Variants in PHYHIPL observed in about 807,000 individuals in gnomAD.
PHYHIPL encodes phytanoyl-CoA hydroxylase-interacting protein-like.
A neutral mutation model predicts 33.4 loss-of-function variants in PHYHIPL; 9 were observed. The observed-to-expected ratio is 0.27, with a 90% CI of 0.16 to 0.47. The LOEUF (loss-of-function observed/expected upper bound fraction) is 0.47. Ranked by LOEUF, PHYHIPL falls within the 20% of genes least tolerant of loss-of-function variation. PHYHIPL has a pLI of 0.99. For missense variants in PHYHIPL, 365 were observed against 460.7 expected (o/e 0.79, Z 1.90); for synonymous variants, 153 against 154.1 (o/e 0.99, Z 0.05).
chr10:59,216,875 G>A (rs948597727), intron 1 of PHYHIPL, among the ~76,000 whole-genome samples: 1 of 152,238 alleles, frequency 6.6e-6, no homozygotes, highest in Admixed American at 6.5e-5. Flanking sequence ...TAAATTGTAA[G>A]CTTGAAAGCG....
chr10:59,226,007 G>A (rs1268139385), intron 1 of PHYHIPL, among the ~76,000 whole-genome samples: 10 of 152,054 alleles, frequency 6.6e-5, no homozygotes, highest in Admixed American at 6.5e-4. Context: ...TGACAATTCT[G>A]TGTTTTTTTA....
At chr10:59,220,853 C>T (rs1026950318) in intron 1 of PHYHIPL, among the ~76,000 whole-genome samples, 74 of 152,046 alleles carry the variant, frequency 4.9e-4, no homozygotes, top group African/African-American at 1.7e-3. Flanking sequence ...ATTTTCTTAT[C>T]TGTTAAAATG....
chr10:59,236,775 C>A, intron 3 of PHYHIPL, 118 bp downstream of exon 3: 1 of 826,466 alleles, frequency 1.2e-6, no homozygotes, highest in Non-Finnish European at 1.7e-6. Context: ...TCATTTTTTG[C>A]GTTGTCAGTA....
At chr10:59,207,030 C>T (rs988515170) in intron 1 of PHYHIPL, among the ~76,000 whole-genome samples, 1 of 152,132 alleles carries the variant, frequency 6.6e-6, no homozygotes, top group Non-Finnish European at 1.5e-5. Context: ...AGAGATCTTT[C>T]AGTTAAAGCA....
At position 59,245,221 on chromosome 10, in the gene PHYHIPL, T is replaced by C. The variant is rs867074822; in HGVS notation, c.761T>C (p.Ile254Thr). 3 of 1,614,168 alleles carry C rather than the reference T, an allele frequency of 1.9e-6. No individual in the cohort carries two copies. The highest frequency in any genetic ancestry group is 1.3e-5 in the African/African-American group (1 of 75,054). The stretch of plus-strand genomic sequence containing the variant: ...CCTTATGGAAGATACAGGTTTGAGA[T>C]TGCCGCAGAAAAACTTTTTAACCCC... ...DSPYGRYRFE[I>T]AAEKLFNPNT... is the part of the protein sequence containing the mutation. The change falls in exon 5 of 5, where the codon ATT becomes ACT. Residue 254 changes from isoleucine (I) to threonine (T), a missense_variant. Transcript: ENST00000373880.
intron 1 of PHYHIPL, among the ~76,000 whole-genome samples, chr10:59,181,785 G>T (rs1020094770): frequency 6.6e-6 from 1 of 152,138 alleles, no homozygotes; most frequent in African/African-American, 2.4e-5. Flanking sequence ...CATATTCTTG[G>T]TAGGGTTCTA....
intron 1 of PHYHIPL, among the ~76,000 whole-genome samples, chr10:59,226,387 T>A (rs1044548410): frequency 6.6e-5 from 10 of 152,176 alleles, no homozygotes; most frequent in African/African-American, 2.4e-4. Context: ...ATCAAGCCTT[T>A]ATTCATGTAT....
intron 1 of PHYHIPL, chr10:59,206,844 T>G: frequency 8.7e-7 from 1 of 1,148,946 alleles, no homozygotes. Context: ...AGTGATTAAC[T>G]GTAAGTGCAC....
chr10:59,188,903 G>T (rs1481789630), intron 1 of PHYHIPL, among the ~76,000 whole-genome samples: 20 of 151,966 alleles, frequency 1.3e-4, no homozygotes, highest in Admixed American at 1.3e-3. Context: ...ACACTGACAG[G>T]CCCTAGTTTT....
At chr10:59,193,421 T>C (rs535629984) in intron 1 of PHYHIPL, among the ~76,000 whole-genome samples, 1 of 152,196 alleles carries the variant, frequency 6.6e-6, no homozygotes, top group Non-Finnish European at 1.5e-5. Context: ...ATAAAATAAA[T>C]GAACTGGTGG....
At chr10:59,203,983 C>T (rs569393525) in intron 1 of PHYHIPL, among the ~76,000 whole-genome samples, 51 of 152,040 alleles carry the variant, frequency 3.4e-4, no homozygotes, top group African/African-American at 1.2e-3. Context: ...GGTTATTTTC[C>T]GTTTACTAGA....
At chr10:59,236,240 G>A (rs1840226136) in intron 2 of PHYHIPL, among the ~76,000 whole-genome samples, 1 of 151,850 alleles carries the variant, frequency 6.6e-6, no homozygotes. Flanking sequence ...TCTTTAAGCA[G>A]AAAAATTCTA....
chr10:59,177,176 C>A, intron 1 of PHYHIPL: 1 of 592,162 alleles, frequency 1.7e-6, no homozygotes, highest in Non-Finnish European at 2.9e-6. Flanking sequence ...GGAAAGTAGC[C>A]GTCCACAACC....
chr10:59,208,839 C>G (rs1321242283), intron 1 of PHYHIPL, among the ~76,000 whole-genome samples: 1 of 151,714 alleles, frequency 6.6e-6, no homozygotes. Context: ...GATTGAAGAT[C>G]AACTTAATGA....
intron 1 of PHYHIPL, among the ~76,000 whole-genome samples, chr10:59,205,638 C>T (rs2133227810): frequency 6.6e-6 from 1 of 152,168 alleles, no homozygotes; most frequent in African/African-American, 2.4e-5. Flanking sequence ...GTTCATCATC[C>T]TACTTCAGCT....
intron 1 of PHYHIPL, among the ~76,000 whole-genome samples, chr10:59,224,166 G>A (rs938407278): frequency 6.6e-6 from 1 of 152,170 alleles, no homozygotes; most frequent in Non-Finnish European, 1.5e-5. Context: ...TGAATGTTAT[G>A]TTATATGGAT....
chr10:59,240,334 GTTATGT>G (rs1840354947), intron 4 of PHYHIPL, among the ~76,000 whole-genome samples: 1 of 151,904 alleles, frequency 6.6e-6, no homozygotes, highest in Non-Finnish European at 1.5e-5. Flanking sequence ...TTGCAATGGG[GTTATGT>G]CCTGTTAAAC....
intron 1 of PHYHIPL, among the ~76,000 whole-genome samples, chr10:59,206,084 C>G (rs1839275932): frequency 6.6e-6 from 1 of 152,198 alleles, no homozygotes; most frequent in African/African-American, 2.4e-5. Flanking sequence ...ATATCTATCT[C>G]TAGCAATTGA....
Position 59,246,748 on chromosome 10 carries a change from G to A in PHYHIPL, c.*1157G>A. On this transcript the variant is annotated 3_prime_UTR_variant, in exon 5 of 5. Transcript: ENST00000373880. The stretch of plus-strand genomic sequence containing the variant: ...TTTGACTTTACAAAGTATAGATGTT[G>A]GAACATTAAGAAAAATGTATATTCC... 2.5e-6 allele frequency: 1 copy of A among 396,150 alleles called. No homozygotes were observed. Among genetic ancestry groups the A allele is most frequent in the Non-Finnish European group, 4.5e-6 (1 of 224,580 alleles). The allele number at this position is 396,150 out of a possible 1,614,324, so 24.5% of individuals were successfully genotyped here.
Sources: allele counts gnomAD v4.1 joint callset (sites outside exome capture counted in the v4.1 genomes callset), GRCh38; gene constraint gnomAD v4.1.1; transcripts MANE v1.5; gene names NCBI Gene and HGNC (gene_info 2026-07-23, HGNC 2026-07-21).